NCKAP1: variants seen among roughly 807,000 people sequenced by gnomAD.
NCKAP1 encodes nck-associated protein 1.
In NCKAP1, 21 loss-of-function variants were observed where a neutral mutation model predicts 151.2. That is an observed-to-expected ratio of 0.14 (90% CI 0.10 to 0.20). The LOEUF (loss-of-function observed/expected upper bound fraction) is 0.20, where lower values mean the gene tolerates loss of function less well. Among genes scored for constraint, NCKAP1 ranks in the 10% least tolerant of loss-of-function variants. The pLI is 1.00. For synonymous variants in NCKAP1, 484 were observed against 451.8 expected, an observed-to-expected ratio of 1.07 and a Z score of -0.90; for missense variants, 933 against 1,352.1, an observed-to-expected ratio of 0.69 and a Z score of 4.86.
chr2:183,015,343 T>G (rs1450052831), intron 2 of NCKAP1, among the ~76,000 whole-genome samples: 1 of 152,064 alleles, frequency 6.6e-6, no homozygotes, highest in Admixed American at 6.6e-5. Flanking sequence ...CTCAAACTCA[T>G]GAAAATTCAG....
chr2:182,990,082 C>G (rs1215488945), intron 8 of NCKAP1, among the ~76,000 whole-genome samples: 1 of 151,690 alleles, frequency 6.6e-6, no homozygotes, highest in East Asian at 1.9e-4. Flanking sequence ...ATCATAGCAT[C>G]TCACATTTTA....
At chr2:182,990,654 T>G (rs1415842299) in intron 8 of NCKAP1, among the ~76,000 whole-genome samples, 1 of 152,190 alleles carries the variant, frequency 6.6e-6, no homozygotes, top group Non-Finnish European at 1.5e-5. Context: ...GGTTCTGTAG[T>G]GGGCCAGTTA....
chr2:183,016,750 G>A (rs1366517063), intron 2 of NCKAP1, among the ~76,000 whole-genome samples: 2 of 152,174 alleles, frequency 1.3e-5, no homozygotes, highest in South Asian at 2.1e-4. Context: ...CACAGAGAAA[G>A]TGATTGTTTT....
At chr2:182,936,707 A>C (rs929387175) in intron 24 of NCKAP1, among the ~76,000 whole-genome samples, 1 of 152,186 alleles carries the variant, frequency 6.6e-6, no homozygotes, top group Non-Finnish European at 1.5e-5. Flanking sequence ...ATATGAATTA[A>C]AAGTCATGTT....
At chr2:182,945,426 C>G (rs1023556969) in intron 23 of NCKAP1, among the ~76,000 whole-genome samples, 2 of 151,756 alleles carry the variant, frequency 1.3e-5, no homozygotes, top group African/African-American at 4.8e-5. Flanking sequence ...AAAAAACCAG[C>G]AAAGAAATTA....
chr2:182,953,398 C>T, intron 20 of NCKAP1, 67 bp from the exon 21 acceptor site: 4 of 1,035,888 alleles, frequency 3.9e-6, no homozygotes, highest in Non-Finnish European at 5.7e-6. Flanking sequence ...ATAAACCACT[C>T]AACCTACTGT....
At position 182,921,830 on chromosome 2, in the gene NCKAP1, A is replaced by C. The variant is rs1357890445; in HGVS notation, c.*3872T>G. 6.6e-6 allele frequency: 1 copy of C among 151,136 alleles called. No homozygotes were observed. The highest frequency in any genetic ancestry group is 2.4e-5 in the African/African-American group (1 of 41,052). 9.4% of individuals were successfully genotyped at this position (151,136 alleles called of 1,614,324 possible). A position where few individuals can be genotyped will look rare whatever the true frequency, so the allele number is the denominator to read the frequency against. On this transcript the variant is annotated 3_prime_UTR_variant, in exon 31 of 31. Transcript: ENST00000361354. ...AATGAATGAAATTTTAATACACTTA[A>C]AGTTACTTCTCACTCTGAAAATAAT...
chr2:182,928,933 A>G (rs1255647062), intron 27 of NCKAP1, 34 bp from the exon 28 acceptor site: 5 of 1,370,020 alleles, frequency 3.6e-6, no homozygotes, highest in Non-Finnish European at 5.2e-6. Context: ...AAATCAAGGT[A>G]TTTCTTCAAG....
chr2:183,037,870 G>A lies in NCKAP1; in HGVS notation c.108+122C>T, dbSNP rs547080430. On this transcript the variant is annotated intron_variant, in intron 1 of 30. Transcript: ENST00000361354. ...CCAGGCGACCCCGGGCCGGGCCTCGGGCGGCGACGCCGAGATTTCTACACC... is the reference window on the plus strand; with the variant it reads ...CCAGGCGACCCCGGGCCGGGCCTCGAGCGGCGACGCCGAGATTTCTACACC... 5 of 700,500 alleles carry A rather than the reference G, an allele frequency of 7.1e-6. No individual in the cohort carries two copies. In the South Asian group the frequency reaches 9.2e-5, roughly 13 times the overall value. 43.4% of individuals were successfully genotyped at this position (700,500 alleles called of 1,614,324 possible).
intron 24 of NCKAP1, among the ~76,000 whole-genome samples, chr2:182,937,758 T>C (rs1426790645): frequency 2.6e-5 from 4 of 152,206 alleles, no homozygotes; most frequent in South Asian, 2.1e-4. Context: ...CTATAAGACA[T>C]AGCTACTGCA....
rs150363255 is a variant in NCKAP1 at position 183,031,631 on chromosome 2, A to C, written c.108+6361T>G. 1.2e-3 allele frequency among the ~76,000 whole-genome samples: 190 copies of C among 152,312 alleles called. 2 individuals are homozygous for C. Among genetic ancestry groups the C allele is most frequent in the African/African-American group, 4.4e-3 (184 of 41,570 alleles). On this transcript the variant is annotated intron_variant, in intron 1 of 30. Coordinates refer to ENST00000361354, the MANE Select transcript of NCKAP1 (RefSeq NM_013436.5). ...ACTATGTTCCAAGCCCCAGAAATAG[A>C]ACTAGTAACAACAGCCACCATTTCC... is the stretch of plus-strand genomic sequence containing the variant.
chr2:182,935,116 C>T (rs1484774867), intron 25 of NCKAP1, 177 bp downstream of exon 25: 1 of 589,782 alleles, frequency 1.7e-6, no homozygotes, highest in African/African-American at 1.9e-5. Flanking sequence ...AGCAGCAGTA[C>T]CAAAACAAAA....
intron 2 of NCKAP1, among the ~76,000 whole-genome samples, chr2:183,015,455 G>C (rs779513308): frequency 6.7e-6 from 1 of 149,240 alleles, no homozygotes; most frequent in Non-Finnish European, 1.5e-5. Flanking sequence ...GATGTTAGAA[G>C]ACAGAAGGTT....
chr2:182,974,651 G>C (rs1697768712), intron 15 of NCKAP1, among the ~76,000 whole-genome samples: 1 of 152,110 alleles, frequency 6.6e-6, no homozygotes. Context: ...GAGAGAGATG[G>C]AAGAGGTTCT....
At chr2:182,982,525 C>CT (rs1697961773) in intron 12 of NCKAP1, among the ~76,000 whole-genome samples, 1 of 152,150 alleles carries the variant, frequency 6.6e-6, no homozygotes, top group Non-Finnish European at 1.5e-5. Context: ...ATGATACTCT[C>CT]TCATGATGCT....
intron 3 of NCKAP1, 86 bp from the exon 4 acceptor site, chr2:183,003,116 C>T (rs1698404456): frequency 7.5e-7 from 1 of 1,334,826 alleles, no homozygotes; most frequent in Non-Finnish European, 1.0e-6. Context: ...ATGTGTTAAA[C>T]TTCAGTTCTG....
At chr2:182,945,820 T>C (rs1376797325) in intron 23 of NCKAP1, among the ~76,000 whole-genome samples, 1 of 152,162 alleles carries the variant, frequency 6.6e-6, no homozygotes, top group Non-Finnish European at 1.5e-5. Flanking sequence ...CCCAAAGGAA[T>C]ATAAATCATT....
At chr2:182,964,621 T>C in intron 17 of NCKAP1, 55 bp downstream of exon 17, 2 of 1,403,402 alleles carry the variant, frequency 1.4e-6, no homozygotes, top group Non-Finnish European at 1.9e-6. Flanking sequence ...TGGCTACAGG[T>C]TTGATCTAGT....
chr2:182,945,289 C>T (rs1697078747), intron 23 of NCKAP1, among the ~76,000 whole-genome samples: 1 of 151,500 alleles, frequency 6.6e-6, no homozygotes, highest in African/African-American at 2.4e-5. Flanking sequence ...GTGGTACACG[C>T]CTATATTTCT....
Sources: gnomAD v4.1 joint callset for allele counts (sites outside exome capture counted in the v4.1 genomes callset) on GRCh38, gnomAD v4.1.1 for gene constraint, MANE v1.5 for transcripts, NCBI Gene and HGNC (gene_info 2026-07-23, HGNC 2026-07-21) for gene names.